The following UVRAG variants were observed in gnomAD, a reference collection of about 807,000 sequenced individuals.
UVRAG encodes UV radiation resistance associated.
In UVRAG, 19 loss-of-function variants were observed where a neutral mutation model predicts 78.0. That is an observed-to-expected ratio of 0.24 (90% CI 0.17 to 0.36). The LOEUF (loss-of-function observed/expected upper bound fraction) is 0.36. Ranked by LOEUF, UVRAG falls within the 10% of genes least tolerant of loss-of-function variation. The probability of loss-of-function intolerance (pLI) is 1.00; values close to 1 mark genes in which losing one functional copy is unlikely to be tolerated. For missense variants in UVRAG, 740 were observed against 853.8 expected, an observed-to-expected ratio of 0.87 and a Z score of 1.66; for synonymous variants, 323 against 324.6, an observed-to-expected ratio of 1.00 and a Z score of 0.05.
At chr11:75,850,536 G>A (rs144975836) in intron 1 of UVRAG, among the ~76,000 whole-genome samples, 63 of 152,294 alleles carry the variant, frequency 4.1e-4, no homozygotes, top group African/African-American at 1.5e-3. Flanking sequence ...TGAACACAAT[G>A]ATGGGATGTT....
At chr11:76,057,971 T>TG (rs939342217) in intron 12 of UVRAG, among the ~76,000 whole-genome samples, 2 of 152,150 alleles carry the variant, frequency 1.3e-5, no homozygotes, top group African/African-American at 4.8e-5. Flanking sequence ...TGTGGTTTTT[T>TG]TTGTTGTTGT....
chr11:76,087,765 G>T (rs886118704), intron 13 of UVRAG, among the ~76,000 whole-genome samples: 2 of 152,156 alleles, frequency 1.3e-5, no homozygotes, highest in South Asian at 2.1e-4. Flanking sequence ...GAGTAAAGAG[G>T]TTTAGTAATT....
chr11:76,139,410 G>C (rs1347695169), intron 14 of UVRAG, among the ~76,000 whole-genome samples: 2 of 152,184 alleles, frequency 1.3e-5, no homozygotes, highest in Non-Finnish European at 2.9e-5. Flanking sequence ...TGGAGGAAGG[G>C]CCTACTGGTC....
At chr11:76,005,777 T>A (rs1474228796) in intron 9 of UVRAG, among the ~76,000 whole-genome samples, 1 of 152,242 alleles carries the variant, frequency 6.6e-6, no homozygotes. Flanking sequence ...TTCGATTAAT[T>A]TGCTAGAGCA....
chr11:76,087,455 A>T (rs565047276), intron 13 of UVRAG, among the ~76,000 whole-genome samples: 4 of 152,192 alleles, frequency 2.6e-5, no homozygotes, highest in Non-Finnish European at 5.9e-5. Context: ...TTGATTTATC[A>T]TACACCAATG....
At chr11:75,992,651 T>G (rs1409123830) in intron 8 of UVRAG, among the ~76,000 whole-genome samples, 1 of 152,192 alleles carries the variant, frequency 6.6e-6, no homozygotes, top group Non-Finnish European at 1.5e-5. Context: ...GTCTACTTTT[T>G]GGGCACCTGT....
intron 6 of UVRAG, among the ~76,000 whole-genome samples, chr11:75,957,210 C>T (rs959667142): frequency 6.6e-5 from 10 of 152,030 alleles, no homozygotes; most frequent in African/African-American, 2.4e-4. Flanking sequence ...TTTATATTTA[C>T]TGTGATCCTC....
At chr11:75,837,723 T>TTC (rs1269559095) in intron 1 of UVRAG, 2 of 152,250 alleles carry the variant, frequency 1.3e-5, no homozygotes, top group Non-Finnish European at 2.9e-5. Context: ...GAGGGCCTGC[T>TTC]GTAGATTCAA....
intron 1 of UVRAG, among the ~76,000 whole-genome samples, chr11:75,823,467 C>T (rs1284525563): frequency 3.9e-5 from 6 of 152,180 alleles, no homozygotes; most frequent in Non-Finnish European, 7.3e-5. Context: ...GTAGCTGGGA[C>T]CACAGGTGCA....
intron 12 of UVRAG, among the ~76,000 whole-genome samples, chr11:76,053,232 G>A (rs180765708): frequency 5.3e-4 from 81 of 151,802 alleles, no homozygotes; most frequent in Middle Eastern, 3.4e-3. Context: ...CCCCAACCCA[G>A]GAGGCAGAGG....
intron 3 of UVRAG, 35 bp downstream of exon 3, chr11:75,861,815 G>A (rs774256837): frequency 9.0e-6 from 14 of 1,550,798 alleles, no homozygotes; most frequent in South Asian, 1.1e-5. Flanking sequence ...ATATGACTAA[G>A]TATATACACC....
At chr11:75,962,157 G>A (rs1303737087) in intron 7 of UVRAG, among the ~76,000 whole-genome samples, 3 of 151,754 alleles carry the variant, frequency 2.0e-5, no homozygotes, top group African/African-American at 7.3e-5. Flanking sequence ...TTTTTTAAAA[G>A]CCACTTGGGT....
At chr11:76,076,892 C>T (rs1382455921) in intron 13 of UVRAG, among the ~76,000 whole-genome samples, 2 of 150,714 alleles carry the variant, frequency 1.3e-5, no homozygotes, top group Non-Finnish European at 2.9e-5. Context: ...TGGTGTCCAA[C>T]TGTGGTTCCA....
chr11:76,062,050 C>T (rs1043825483), intron 12 of UVRAG, among the ~76,000 whole-genome samples: 3 of 152,134 alleles, frequency 2.0e-5, no homozygotes, highest in African/African-American at 7.2e-5. Flanking sequence ...GTCATCAGGG[C>T]CACACTCCTT....
intron 12 of UVRAG, among the ~76,000 whole-genome samples, chr11:76,039,985 C>T (rs754511016): frequency 2.6e-4 from 40 of 152,166 alleles, no homozygotes; most frequent in Non-Finnish European, 3.7e-4. Flanking sequence ...AATGGATGCA[C>T]ACACATATAT....
In UVRAG at chr11:75,983,438, C is replaced by G. The variant is rs12364710; in HGVS notation, c.751C>G (p.Leu251Val). 6.2e-7 allele frequency: 1 copy of G among 1,609,482 alleles called. No individual in the cohort carries two copies. The highest frequency in any genetic ancestry group is 8.5e-7 in the Non-Finnish European group (1 of 1,177,574). ...AAAAATTTTGGTGCTTCAGAATGAACTGGAACGGCAGAAGAAAGCTTTGGG... is the reference window on the plus strand; with the variant it reads ...AAAAATTTTGGTGCTTCAGAATGAAGTGGAACGGCAGAAGAAAGCTTTGGG... Reference protein sequence around the residue: ...QLKILVLQNELERQKKALGRE... With the variant: ...QLKILVLQNEVERQKKALGRE... Residue 251 changes from leucine (L) to valine (V), a missense_variant, in exon 8 of 15, where the codon CTG becomes GTG. Physicochemically the swap from Leu to Val is conservative, Grantham distance 32 (BLOSUM62 1). Transcript: ENST00000356136.
rs921050565 is a variant in UVRAG at position 75,905,726 on chromosome 11, G to T, written c.508-6228G>T. ...ATGTCTGTTGATAGACATTTGTGTT[G>T]TTTCTCTTTTTTTGACTGTTGTGAA... On this transcript the variant is annotated intron_variant, in intron 5 of 14. Transcript: ENST00000356136. 2.0e-5 allele frequency among the ~76,000 whole-genome samples: 3 copies of T among 152,056 alleles called. No homozygotes were observed. The South Asian group carries it at 6.2e-4, about 32-fold the overall frequency.
At position 75,995,349 on chromosome 11, in the gene UVRAG, G is replaced by A. The variant is rs141837066; in HGVS notation, c.827-8656G>A. Among the ~76,000 whole-genome samples the A allele has an allele frequency of 8.5e-3, 1,286 of 152,014 alleles. 17 individuals are homozygous for A. Among genetic ancestry groups the A allele is most frequent in the Middle Eastern group, 0.017 (5 of 292 alleles). On this transcript the variant is annotated intron_variant, in intron 8 of 14. Transcript: ENST00000356136. The stretch of plus-strand genomic sequence containing the variant: ...AAACAAACACATTATTTTGGTGGCA[G>A]TGAATAGGAGAGGTCAGATATGTCA...
intron 6 of UVRAG, among the ~76,000 whole-genome samples, chr11:75,913,040 G>T (rs151291265): frequency 1.6e-4 from 24 of 152,298 alleles, no homozygotes; most frequent in Admixed American, 7.8e-4. Flanking sequence ...AGAAATTAGA[G>T]GGTGGAGATT....
Sources: gnomAD v4.1 joint callset for allele counts (sites outside exome capture counted in the v4.1 genomes callset) on GRCh38, gnomAD v4.1.1 for gene constraint, MANE v1.5 for transcripts, NCBI Gene and HGNC (gene_info 2026-07-23, HGNC 2026-07-21) for gene names.